Variants in RRP1 observed in about 807,000 individuals in gnomAD.
RRP1 encodes the protein ribosomal RNA processing protein 1 homolog A.
In RRP1, 37 loss-of-function variants were observed where a neutral mutation model predicts 54.6. The observed-to-expected ratio is 0.68, with a 90% CI of 0.52 to 0.89. The LOEUF (loss-of-function observed/expected upper bound fraction) is 0.89, where lower values mean the gene tolerates loss of function less well. Ranked by LOEUF, RRP1 falls within the 40% of genes least tolerant of loss-of-function variation. RRP1 has a pLI of 0.00. For missense variants in RRP1, 639 were observed against 612.5 expected (o/e 1.04, Z -0.46); for synonymous variants, 262 against 244.3 (o/e 1.07, Z -0.67).
chr21:43,792,606 C>T (rs571811011), intron 2 of RRP1, 66 bp from the exon 3 acceptor site: 15 of 1,495,962 alleles, frequency 1.0e-5, no homozygotes, highest in South Asian at 6.8e-5. Flanking sequence ...TGGGTGGTTG[C>T]GTGTGTGTCA....
chr21:43,795,762 GGCTTGT>G (rs2085012983), intron 5 of RRP1, among the ~76,000 whole-genome samples: 1 of 152,136 alleles, frequency 6.6e-6, no homozygotes, highest in Non-Finnish European at 1.5e-5. Context: ...CTGTTGCCCA[GGCTTGT>G]CTCAAACTCT....
intron 8 of RRP1, among the ~76,000 whole-genome samples, chr21:43,799,312 A>T (rs998562385): frequency 8.0e-5 from 12 of 150,632 alleles, no homozygotes; most frequent in Non-Finnish European, 1.3e-4. Flanking sequence ...TTTCCTTTGC[A>T]GGCCTGAGGT....
In RRP1 at chr21:43,803,683, A is replaced by G. The variant is rs1281158458; in HGVS notation, c.1295A>G (p.Gln432Arg). Residue 432 changes from glutamine to arginine, a missense_variant, in exon 13 of 13, where the codon CAG (glutamine) becomes CGG (arginine). Coordinates refer to ENST00000497547, the MANE Select transcript of RRP1 (RefSeq NM_003683.6). Reference sequence around the variant, plus strand: ...GGCCGTGGCCAGAGAGGGGCTCGCCAGAGAAGGAGGACACCTCGGCCCCTG... The same window carrying G: ...GGCCGTGGCCAGAGAGGGGCTCGCCGGAGAAGGAGGACACCTCGGCCCCTG... ...PRGRGQRGARQRRRTPRPLTS... is the reference protein window; with the variant it reads ...PRGRGQRGARRRRRTPRPLTS... The G allele has an allele frequency of 2.6e-6, 4 of 1,553,056 alleles. No homozygotes were observed. The highest frequency in any genetic ancestry group is 3.5e-6 in the Non-Finnish European group (4 of 1,148,666).
chr21:43,795,281 A>T, intron 5 of RRP1, 31 bp downstream of exon 5: 1 of 1,607,868 alleles, frequency 6.2e-7, no homozygotes, highest in Non-Finnish European at 8.5e-7. Flanking sequence ...CTCTGGGGGG[A>T]CGCTGTTCTC....
chr21:43,800,036 G>A (rs766878012), intron 9 of RRP1, among the ~76,000 whole-genome samples: 1 of 152,264 alleles, frequency 6.6e-6, no homozygotes, highest in Non-Finnish European at 1.5e-5. Context: ...CGGCTGGCCT[G>A]TGGGTCCCAG....
intron 4 of RRP1, among the ~76,000 whole-genome samples, chr21:43,793,822 G>A (rs1329203941): frequency 1.3e-5 from 2 of 152,162 alleles, no homozygotes; most frequent in Non-Finnish European, 2.9e-5. Context: ...CACAGTGTGG[G>A]ACTTCCTTTC....
chr21:43,789,992 C>T (rs536561008), intron 1 of RRP1, among the ~76,000 whole-genome samples: 3 of 152,356 alleles, frequency 2.0e-5, no homozygotes, highest in South Asian at 4.1e-4. Context: ...CGCTCCTCCC[C>T]AGCCCCGTAA....
chr21:43,801,030 C>A, intron 11 of RRP1, 149 bp downstream of exon 11: 2 of 858,260 alleles, frequency 2.3e-6, no homozygotes, highest in East Asian at 2.5e-5. Context: ...GGAGGCAGGG[C>A]GCAGGGTTCC....
Position 43,803,529 on chromosome 21 carries a change from C to G in RRP1, c.1141C>G (p.Pro381Ala), listed in dbSNP as rs1278822137. The part of the protein sequence containing the change: ...QQERGKGEKE[P>A]PSPGMERKRS... Reference sequence around the variant, plus strand: ...TTTGTCAGGGAAAGGTGAGAAGGAGCCCCCGAGCCCGGGCATGGAGAGGAA... The same window carrying G: ...TTTGTCAGGGAAAGGTGAGAAGGAGGCCCCGAGCCCGGGCATGGAGAGGAA... Residue 381 changes from proline to alanine, a missense_variant, in exon 13 of 13, where the codon CCC becomes GCC. Pro to Ala is a conservative substitution (Grantham distance 27). Coordinates refer to ENST00000497547, the MANE Select transcript of RRP1 (RefSeq NM_003683.6). The G allele has an allele frequency of 6.4e-7, 1 of 1,555,366 alleles. No individual in the cohort carries two copies. Among genetic ancestry groups the G allele is most frequent in the Non-Finnish European group, 8.7e-7 (1 of 1,148,668 alleles).
chr21:43,799,005 C>T (rs1031919074), intron 8 of RRP1, among the ~76,000 whole-genome samples: 5 of 151,926 alleles, frequency 3.3e-5, no homozygotes, highest in South Asian at 2.1e-4. Flanking sequence ...CTGGCAGGTC[C>T]GCTAGTGCCT....
At position 43,803,887 on chromosome 21, in the gene RRP1, C is replaced by A; in HGVS notation, c.*113C>A. On this transcript the variant is annotated 3_prime_UTR_variant, in exon 13 of 13. Transcript: ENST00000497547. ...GGACCGTGGCTCCAGAACTCCTGTG[C>A]CAGGCGGGAGGGAAGGGCGGCACTG... 1.5e-6 allele frequency: 2 copies of A among 1,327,892 alleles called. No homozygotes were observed. Among genetic ancestry groups the A allele is most frequent in the Non-Finnish European group, 2.0e-6 (2 of 993,942 alleles). 82.3% of individuals were successfully genotyped at this position (1,327,892 alleles called of 1,614,324 possible). A position where few individuals can be genotyped will look rare whatever the true frequency, so the allele number is the denominator to read the frequency against.
At chr21:43,802,864 C>T (rs1191473792) in intron 12 of RRP1, among the ~76,000 whole-genome samples, 6 of 152,252 alleles carry the variant, frequency 3.9e-5, no homozygotes, top group Admixed American at 3.9e-4. Flanking sequence ...ATGCCCTCAC[C>T]AGGGGCAACC....
chr21:43,791,243 G>A (rs545135584), intron 1 of RRP1, 107 bp from the exon 2 acceptor site: 55 of 1,177,374 alleles, frequency 4.7e-5, no homozygotes, highest in Non-Finnish European at 5.7e-5. Flanking sequence ...TGCCTTTACC[G>A]TAAGTGGGAC....
In RRP1 at chr21:43,797,714, G is replaced by C. The variant is rs2085037130; in HGVS notation, c.617+19G>C. The C allele has an allele frequency of 1.2e-6, 2 of 1,612,496 alleles. No homozygotes were observed. The highest frequency in any genetic ancestry group is 1.7e-6 in the Non-Finnish European group (2 of 1,179,562). ...CCAAGGAGTAAGTGGTGGGTGGCCT[G>C]ATCGGGCCCGACTCCTTCACTGAGT... On this transcript the variant is annotated intron_variant, in intron 7 of 12. Transcript: ENST00000497547.
At chr21:43,790,570 T>A (rs2123404798) in intron 1 of RRP1, 1 of 164,736 alleles carries the variant, frequency 6.1e-6, no homozygotes, top group Admixed American at 5.9e-5. Flanking sequence ...AACTGAGTAA[T>A]GTTTTAAATT....
chr21:43,800,574 C>A lies in RRP1; in HGVS notation c.949C>A (p.Pro317Thr), dbSNP rs1337485584. 1 of 1,614,266 alleles carries A rather than the reference C, an allele frequency of 6.2e-7. No individual in the cohort carries two copies. Residue 317 changes from proline (P) to threonine (T), a missense_variant, in exon 10 of 13, where the codon CCT (proline) becomes ACT (threonine). Pro to Thr is a conservative substitution (Grantham distance 38). Coordinates refer to ENST00000497547, the MANE Select transcript of RRP1 (RefSeq NM_003683.6). ...TGAAATGGCCAGCCGCCAGAGCACCCCTTCTCAGAACAGAAAGCGTCTCTA... is the reference window on the plus strand; with the variant it reads ...TGAAATGGCCAGCCGCCAGAGCACCACTTCTCAGAACAGAAAGCGTCTCTA... ...LFEMASRQST[P>T]SQNRKRLYKV...
Position 43,792,695 on chromosome 21 carries a change from C to G in RRP1, c.240C>G (p.Ser80=). The change falls in exon 3 of 13, where the codon TCC becomes TCG. Residue 80 remains serine, a synonymous_variant. Transcript: ENST00000497547. ...AGGAAGAATTAGGAAGGACTATTTC[C>G]CAGCTCGTTCATGCTTTTCAGACCA... is the stretch of plus-strand genomic sequence containing the variant. ...LLQEELGRTI[S]QLVHAFQTTE... The G allele has an allele frequency of 6.2e-7, 1 of 1,614,014 alleles. No individual in the cohort carries two copies. The highest frequency in any genetic ancestry group is 8.5e-7 in the Non-Finnish European group (1 of 1,179,938).
Position 43,804,020 on chromosome 21 carries a change from ACTGAAACT to A in RRP1, c.*250_*257del. On this transcript the variant is annotated 3_prime_UTR_variant, in exon 13 of 13. Coordinates refer to ENST00000497547, the MANE Select transcript of RRP1 (RefSeq NM_003683.6). The surrounding 1 kb of genome is among the most constrained non-coding windows in gnomAD (Gnocchi z 4.3). ...TGGGCCAGAAGGTCAAACTCCGAAGACTGAAACTCTGCCTGCAGCAGGACTGGCCGCCC... is the reference window on the plus strand; with the variant it reads ...TGGGCCAGAAGGTCAAACTCCGAAGACTGCCTGCAGCAGGACTGGCCGCCC... The A allele has an allele frequency of 2.1e-6, 1 of 483,988 alleles. No homozygotes were observed. Among genetic ancestry groups the A allele is most frequent in the Non-Finnish European group, 3.6e-6 (1 of 278,690 alleles). The allele number at this position is 483,988 out of a possible 1,614,324, so 30.0% of individuals were successfully genotyped here. A position where few individuals can be genotyped will look rare whatever the true frequency, so the allele number is the denominator to read the frequency against.
Position 43,797,664 on chromosome 21 carries a change from C to T in RRP1, c.586C>T (p.Pro196Ser). 1.2e-6 allele frequency: 2 copies of T among 1,614,098 alleles called. No individual in the cohort carries two copies. The highest frequency in any genetic ancestry group is 1.7e-6 in the Non-Finnish European group (2 of 1,180,036). ...AGACCAGAACCTGAAGTTCATCGAC[C>T]CCTTCTGCAGAATTGCTGCCCGGAC... ...TADQNLKFID[P>S]FCRIAARTKD... The change falls in exon 7 of 13, where the codon CCC becomes TCC. Residue 196 changes from proline (P) to serine (S), a missense_variant. Transcript: ENST00000497547.
Sources: gnomAD v4.1 joint callset for allele counts (sites outside exome capture counted in the v4.1 genomes callset) on GRCh38, gnomAD v4.1.1 for gene constraint, Gnocchi (gnomAD v3.1) non-coding constraint, MANE v1.5 for transcripts, NCBI Gene and HGNC (gene_info 2026-07-23, HGNC 2026-07-21) for gene names.